The following PDS5A variants were observed in gnomAD, a reference collection of about 807,000 sequenced individuals.
The protein encoded by PDS5A is PDS5 cohesin associated factor A, also known as sister chromatid cohesion protein PDS5 homolog A.
A neutral mutation model predicts 167.1 loss-of-function variants in PDS5A; 42 were observed. That is an observed-to-expected ratio of 0.25 (90% CI 0.20 to 0.33). The LOEUF is 0.33. Ranked by LOEUF, PDS5A falls within the 10% of genes least tolerant of loss-of-function variation. The probability of loss-of-function intolerance (pLI) is 1.00; values close to 1 mark genes in which losing one functional copy is unlikely to be tolerated. For synonymous variants in PDS5A, 553 were observed against 554.6 expected (o/e 1.00, Z 0.04); for missense variants, 1,033 against 1,605.9 (o/e 0.64, Z 6.10).
chr4:39,909,402 C>CGCGTTTACAT (rs1315857193), intron 10 of PDS5A, among the ~76,000 whole-genome samples: 1 of 151,974 alleles, frequency 6.6e-6, no homozygotes, highest in African/African-American at 2.4e-5. Flanking sequence ...GGGGATTACA[C>CGCGTTTACAT]GCGTGAGCCA....
chr4:39,890,571 G>A (rs943350360), intron 16 of PDS5A, among the ~76,000 whole-genome samples: 2 of 152,044 alleles, frequency 1.3e-5, no homozygotes, highest in Non-Finnish European at 2.9e-5. Context: ...GTTTCTGAGT[G>A]AACACAGCCT....
rs1444658231 is a variant in PDS5A at position 39,860,302 on chromosome 4, TA to T, written c.3086+1916del. On this transcript the variant is annotated intron_variant, in intron 26 of 32. Coordinates refer to ENST00000303538, the MANE Select transcript of PDS5A (RefSeq NM_001100399.2). Reference sequence around the variant, plus strand: ...CAACATGGTGAAAACTGGTCTCTACTAAAAATACAAAAATTAGCTGGTTGTG... The same window carrying T: ...CAACATGGTGAAAACTGGTCTCTACTAAAATACAAAAATTAGCTGGTTGTG... Among the ~76,000 whole-genome samples the T allele has an allele frequency of 2.0e-5, 3 of 151,654 alleles. No homozygotes were observed. The East Asian group carries it at 5.9e-4, about 30-fold the overall frequency.
At position 39,835,262 on chromosome 4, in the gene PDS5A, C is replaced by T. The variant is rs116218767; in HGVS notation, c.4010+2594G>A. Among the ~76,000 whole-genome samples the T allele has an allele frequency of 1.8e-3, 278 of 152,144 alleles. 3 individuals carry two copies. The highest frequency in any genetic ancestry group is 6.5e-3 in the African/African-American group (271 of 41,510). ...ACCTGGCCATAAACATTTAATTTAACCACCTACTGTCACTGAGATTAGAAA... is the reference window on the plus strand; with the variant it reads ...ACCTGGCCATAAACATTTAATTTAATCACCTACTGTCACTGAGATTAGAAA... On this transcript the variant is annotated intron_variant, in intron 32 of 32. Transcript: ENST00000303538.
At chr4:39,842,145 G>C (rs1321121557) in intron 30 of PDS5A, 89 bp from the exon 31 acceptor site, 2 of 778,894 alleles carry the variant, frequency 2.6e-6, no homozygotes, top group Non-Finnish European at 4.3e-6. Context: ...GCTTAGGCTG[G>C]TTTCGAAACC....
intron 17 of PDS5A, among the ~76,000 whole-genome samples, chr4:39,883,412 C>G (rs557034821): frequency 6.6e-6 from 1 of 152,168 alleles, no homozygotes; most frequent in African/African-American, 2.4e-5. Context: ...AACTCCTGAC[C>G]GCAGGTGATC....
rs778756360 is a variant in PDS5A, at chr4:39,976,417, T to A, written c.138+23A>T. On this transcript the variant is annotated intron_variant, in intron 2 of 32. Transcript: ENST00000303538. ...GAGAAAGCGCCTTCTACCAAAGACA[T>A]CAAAATCCGTCCAGACACTTACCTT... 1.9e-6 allele frequency: 3 copies of A among 1,601,934 alleles called. No homozygotes were observed. The South Asian group carries it at 3.3e-5, about 18-fold the overall frequency.
chr4:39,832,677 C>T (rs1192299244), intron 32 of PDS5A, among the ~76,000 whole-genome samples: 1 of 152,096 alleles, frequency 6.6e-6, no homozygotes, highest in East Asian at 1.9e-4. Flanking sequence ...CTGGGCAATA[C>T]AGCAAGACCC....
At chr4:39,848,693 T>C in intron 28 of PDS5A, 158 bp downstream of exon 28, 1 of 614,796 alleles carries the variant, frequency 1.6e-6, no homozygotes, top group South Asian at 2.0e-5. Context: ...GTCAGAATAA[T>C]GTTCAGGGCT....
chr4:39,879,873 T>C, intron 17 of PDS5A, 40 bp from the exon 18 acceptor site: 1 of 1,078,094 alleles, frequency 9.3e-7, no homozygotes, highest in Non-Finnish European at 1.4e-6. Flanking sequence ...ACCACTGTAG[T>C]AGTAACTATA....
chr4:39,960,679 C>T (rs1729398662), intron 2 of PDS5A, among the ~76,000 whole-genome samples: 1 of 151,132 alleles, frequency 6.6e-6, no homozygotes, highest in African/African-American at 2.4e-5. Context: ...CAGGCACCTG[C>T]CACCATACAA....
rs746948897 is a variant in PDS5A, at chr4:39,837,850, C to T, written c.4010+6G>A. On this transcript the variant is annotated splice_donor_region_variant and intron_variant, in intron 32 of 32. Coordinates refer to ENST00000303538, the MANE Select transcript of PDS5A (RefSeq NM_001100399.2). Reference sequence around the variant, plus strand: ...TTCCCACTTGAGGAAGAATGGCGTACATTACCTTTGTAAGTCAATTTGTCT... The same window carrying T: ...TTCCCACTTGAGGAAGAATGGCGTATATTACCTTTGTAAGTCAATTTGTCT... 1.3e-6 allele frequency: 2 copies of T among 1,596,660 alleles called. No individual in the cohort carries two copies. The highest frequency in any genetic ancestry group is 1.7e-5 in the Admixed American group (1 of 57,698).
rs1462525484 is a variant in PDS5A at position 39,926,794 on chromosome 4, C to A, written c.410G>T (p.Arg137Ile). 1 of 1,398,254 alleles carries A rather than the reference C, an allele frequency of 7.2e-7. No homozygotes were observed. Among genetic ancestry groups the A allele is most frequent in the Non-Finnish European group, 9.4e-7 (1 of 1,063,938 alleles). The allele number at this position is 1,398,254 out of a possible 1,614,324, so 86.6% of individuals were successfully genotyped here. Residue 137 changes from arginine to isoleucine, a missense_variant, in exon 4 of 33, where the codon AGA becomes ATA. Arg to Ile is a moderately conservative substitution (Grantham distance 97). Around this residue, in one of 4 missense-constraint regions of PDS5A, gnomAD observed 388 missense variants for 615.1 expected, o/e 0.63. Transcript: ENST00000303538. ...TTTTACCTCTAATAAATAAAAGTATCTATTAAACTGTGGACTCTTTGTATC... is the reference window on the plus strand; with the variant it reads ...TTTTACCTCTAATAAATAAAAGTATATATTAAACTGTGGACTCTTTGTATC... Reference protein sequence around the residue: ...LEDTKSPQFNRYFYLLENLAW... With the variant: ...LEDTKSPQFNIYFYLLENLAW...
rs2109471603 is a variant in PDS5A, at chr4:39,832,985, AT to A, written c.4010+4870del. 1.3e-5 allele frequency among the ~76,000 whole-genome samples: 2 copies of A among 151,420 alleles called. 1 individual carries two copies. Among genetic ancestry groups the A allele is most frequent in the South Asian group, 4.2e-4 (2 of 4,782 alleles). On this transcript the variant is annotated intron_variant, in intron 32 of 32. Coordinates refer to ENST00000303538, the MANE Select transcript of PDS5A (RefSeq NM_001100399.2). The stretch of plus-strand genomic sequence containing the variant: ...AGTCTGGCCAACATAGTGAAACCCC[AT>A]CTCTACTAAAAAAAAGAAAAAAATA...
chr4:39,833,191 CAAA>C (rs1166233113), intron 32 of PDS5A, among the ~76,000 whole-genome samples: 1 of 37,922 alleles, frequency 2.6e-5, no homozygotes, highest in South Asian at 1.4e-3. Flanking sequence ...AACTCCGTCT[CAAA>C]AAAAAAAAAA....
chr4:39,915,192 C>A (rs1299592848), intron 8 of PDS5A, among the ~76,000 whole-genome samples: 1 of 151,294 alleles, frequency 6.6e-6, no homozygotes, highest in Non-Finnish European at 1.5e-5. Context: ...GTGTGCATCA[C>A]CACACCTGGC....
chr4:39,934,828 T>A (rs1319603928), intron 2 of PDS5A, among the ~76,000 whole-genome samples: 3 of 152,102 alleles, frequency 2.0e-5, no homozygotes, highest in Non-Finnish European at 4.4e-5. Flanking sequence ...TTCACGTATT[T>A]GCCACCTACT....
chr4:39,955,718 T>A (rs1728861559), intron 2 of PDS5A, among the ~76,000 whole-genome samples: 1 of 152,036 alleles, frequency 6.6e-6, no homozygotes, highest in South Asian at 2.1e-4. Context: ...ACGGGAGTGT[T>A]ACTGAGGAGT....
Position 39,879,566 on chromosome 4 carries a change from T to G in PDS5A, c.1992+162A>C, listed in dbSNP as rs560725161. Among the ~76,000 whole-genome samples the G allele has an allele frequency of 4.6e-5, 7 of 152,340 alleles. No individual in the cohort carries two copies. In the South Asian group the frequency reaches 1.2e-3, roughly 27 times the overall value. ...ATGTAAAATAATTACATTATTATATTATGTTGTAAAAACATTACTTTTACA... is the reference window on the plus strand; with the variant it reads ...ATGTAAAATAATTACATTATTATATGATGTTGTAAAAACATTACTTTTACA... On this transcript the variant is annotated intron_variant, in intron 18 of 32. Transcript: ENST00000303538.
At chr4:39,905,318 G>C (rs1270513729) in intron 11 of PDS5A, among the ~76,000 whole-genome samples, 1 of 152,156 alleles carries the variant, frequency 6.6e-6, no homozygotes, top group African/African-American at 2.4e-5. Context: ...AGTACTTTGG[G>C]AGGCCGAGGC....
Sources: allele counts gnomAD v4.1 joint callset (sites outside exome capture counted in the v4.1 genomes callset), GRCh38; gene constraint gnomAD v4.1.1; regional missense constraint gnomAD v4.1.1; transcripts MANE v1.5; gene names NCBI Gene and HGNC (gene_info 2026-07-23, HGNC 2026-07-21).